The following PLBD2 variants were observed in gnomAD, a reference collection of about 807,000 sequenced individuals.
PLBD2 encodes the protein phospholipase B domain containing 2.
Under a neutral mutation model 68.3 loss-of-function variants are expected in PLBD2, and 51 were observed. That is an observed-to-expected ratio of 0.75 (90% CI 0.60 to 0.94). PLBD2 has a LOEUF of 0.94. Among genes scored for constraint, PLBD2 ranks in the 40% least tolerant of loss-of-function variants. The pLI is 0.00. For missense variants in PLBD2, 729 were observed against 792.2 expected (o/e 0.92, Z 0.96); for synonymous variants, 314 against 339.3 (o/e 0.93, Z 0.82).
chr12:113,374,641 G>T, intron 4 of PLBD2, 67 bp downstream of exon 4: 1 of 1,476,966 alleles, frequency 6.8e-7, no homozygotes, highest in East Asian at 2.4e-5. Context: ...GGACAGACCT[G>T]GGTTCCAGCA....
chr12:113,377,295 G>A (rs1178512849), intron 5 of PLBD2, among the ~76,000 whole-genome samples: 1 of 152,104 alleles, frequency 6.6e-6, no homozygotes, highest in African/African-American at 2.4e-5. Context: ...TTTCTTGCAC[G>A]TGGAACACAC....
intron 1 of PLBD2, among the ~76,000 whole-genome samples, 153 bp downstream of exon 1, chr12:113,359,043 G>C (rs976338465): frequency 4.6e-5 from 7 of 152,244 alleles, no homozygotes; most frequent in Non-Finnish European, 1.0e-4. Flanking sequence ...CCGCCCTGCG[G>C]GCCAAGTACC....
intron 1 of PLBD2, among the ~76,000 whole-genome samples, chr12:113,359,101 T>A (rs935693456): frequency 3.3e-5 from 5 of 152,222 alleles, no homozygotes; most frequent in Non-Finnish European, 7.3e-5. Context: ...ATGGGGCCAG[T>A]CCCTTGCCTT....
At chr12:113,380,200 G>A (rs1364365611) in intron 5 of PLBD2, among the ~76,000 whole-genome samples, 36 of 151,968 alleles carry the variant, frequency 2.4e-4, no homozygotes, top group Admixed American at 1.8e-3. Flanking sequence ...GCAGTGGCGC[G>A]ATCTCGGCTC....
chr12:113,388,750 G>A lies in PLBD2; in HGVS notation c.*124G>A, dbSNP rs1300974024. ...GGCTTCGTTCTCTGATCTGGGGTCT[G>A]AGTCATCTCCTCCTAGAGTGGGTCA... On this transcript the variant is annotated 3_prime_UTR_variant, in exon 12 of 12. Coordinates refer to ENST00000280800, the MANE Select transcript of PLBD2 (RefSeq NM_173542.4). 3.7e-6 allele frequency: 4 copies of A among 1,091,546 alleles called. No individual in the cohort carries two copies. The highest frequency in any genetic ancestry group is 1.3e-6 in the Non-Finnish European group (1 of 792,298). 67.6% of individuals were successfully genotyped at this position (1,091,546 alleles called of 1,614,324 possible).
Position 113,384,863 on chromosome 12 carries a change from G to A in PLBD2, c.1131G>A (p.Gln377=). The A allele has an allele frequency of 1.9e-6, 3 of 1,613,990 alleles. No homozygotes were observed. The highest frequency in any genetic ancestry group is 1.7e-6 in the Non-Finnish European group (2 of 1,179,972). Residue 377 remains glutamine, a synonymous_variant, in exon 8 of 12, where the codon CAG becomes CAA. Coordinates refer to ENST00000280800, the MANE Select transcript of PLBD2 (RefSeq NM_173542.4). The surrounding 1 kb of genome is among the most constrained non-coding windows in gnomAD (Gnocchi z 4.2). ...CCCTGCCCGGCAGGTATAACAACCA[G>A]TGGATGATCGTGGACTACAAGGCGT... ...KRFNSGTYNN[Q]WMIVDYKAFI...
intron 3 of PLBD2, among the ~76,000 whole-genome samples, chr12:113,373,657 C>T (rs1257193233): frequency 6.6e-6 from 1 of 151,642 alleles, no homozygotes; most frequent in Admixed American, 6.6e-5. Flanking sequence ...CTCACTCATC[C>T]ATCCGTTCAT....
chr12:113,385,119 C>G, intron 8 of PLBD2, 93 bp from the exon 9 acceptor site: 1 of 1,413,462 alleles, frequency 7.1e-7, no homozygotes, highest in African/African-American at 1.4e-5. Context: ...ATCCTCCAGG[C>G]AATGGGGAGC....
chr12:113,387,997 G>T, intron 11 of PLBD2, 91 bp downstream of exon 11: 1 of 1,473,568 alleles, frequency 6.8e-7, no homozygotes, highest in Non-Finnish European at 9.3e-7. Flanking sequence ...AAAGCTGATG[G>T]CGGGGCAGGA....
intron 1 of PLBD2, among the ~76,000 whole-genome samples, chr12:113,367,485 C>T (rs1409616740): frequency 2.0e-5 from 3 of 152,166 alleles, no homozygotes; most frequent in South Asian, 2.1e-4. Flanking sequence ...CATAGTGGCT[C>T]ATGCCTGTAA....
chr12:113,374,530 G>A lies in PLBD2; in HGVS notation c.600G>A (p.Val200=), dbSNP rs1289008351. 6.2e-7 allele frequency: 1 copy of A among 1,606,624 alleles called. No homozygotes were observed. Among genetic ancestry groups the A allele is most frequent in the Admixed American group, 1.7e-5 (1 of 59,018 alleles). The change falls in exon 4 of 12, where the codon GTG becomes GTA. Residue 200 remains valine (V), a synonymous_variant. Coordinates refer to ENST00000280800, the MANE Select transcript of PLBD2 (RefSeq NM_173542.4). ...TGGAGGACAGCTACGAAGGCCGTGT[G>A]AGCTTCCCAGCTGGGAAGTTCACCA... The part of the protein sequence containing the change: ...KGLEDSYEGR[V]SFPAGKFTIK...
At chr12:113,369,773 G>A (rs369369866) in intron 2 of PLBD2, among the ~76,000 whole-genome samples, 1 of 152,130 alleles carries the variant, frequency 6.6e-6, no homozygotes, top group African/African-American at 2.4e-5. Context: ...CAGGGACTTG[G>A]GGGGAGTGGG....
At chr12:113,377,822 G>C (rs1157761678) in intron 5 of PLBD2, among the ~76,000 whole-genome samples, 3 of 152,122 alleles carry the variant, frequency 2.0e-5, no homozygotes, top group African/African-American at 7.2e-5. Flanking sequence ...CATTCTCATT[G>C]CTATATATCC....
intron 1 of PLBD2, among the ~76,000 whole-genome samples, chr12:113,361,642 C>T (rs1238482072): frequency 2.0e-5 from 3 of 152,010 alleles, no homozygotes; most frequent in Non-Finnish European, 2.9e-5. Flanking sequence ...CCACTGTGCT[C>T]GGTACCTTCT....
At chr12:113,383,996 CAA>C (rs376758985) in intron 6 of PLBD2, 107 bp from the exon 7 acceptor site, 39,335 of 471,548 alleles carry the variant, frequency 0.083, no homozygotes, top group South Asian at 0.1. Flanking sequence ...GACTCTATCT[CAA>C]AAAAAAAAAA....
chr12:113,369,286 A>T lies in PLBD2; in HGVS notation c.384+77A>T, dbSNP rs569045704. 2.7e-3 allele frequency: 3,501 copies of T among 1,275,880 alleles called. 9 individuals carry two copies. The highest frequency in any genetic ancestry group is 3.3e-3 in the Non-Finnish European group (3,028 of 921,004). The allele number at this position is 1,275,880 out of a possible 1,614,324, so 79.0% of individuals were successfully genotyped here. A position where few individuals can be genotyped will look rare whatever the true frequency, so the allele number is the denominator to read the frequency against. ...GCATGTTCCCCAGTGTGCTTTTGAG[A>T]TGTGTGCAGAGTAGGCCCCCAACTC... is the stretch of plus-strand genomic sequence containing the variant. On this transcript the variant is annotated intron_variant, in intron 2 of 11. Coordinates refer to ENST00000280800, the MANE Select transcript of PLBD2 (RefSeq NM_173542.4).
chr12:113,383,974 G>A lies in PLBD2; in HGVS notation c.958-131G>A, dbSNP rs1278047938. On this transcript the variant is annotated intron_variant, in intron 6 of 11. Coordinates refer to ENST00000280800, the MANE Select transcript of PLBD2 (RefSeq NM_173542.4). ...AGGTTACACCACTGCACTCCAGCCTGGGCAAGAGTGAGACTCTATCTCAAA... is the reference window on the plus strand; with the variant it reads ...AGGTTACACCACTGCACTCCAGCCTAGGCAAGAGTGAGACTCTATCTCAAA... 2.4e-5 allele frequency: 19 copies of A among 785,330 alleles called. No homozygotes were observed. The South Asian group carries it at 6.2e-4, about 26-fold the overall frequency. 48.6% of individuals were successfully genotyped at this position (785,330 alleles called of 1,614,324 possible). A position where few individuals can be genotyped will look rare whatever the true frequency, so the allele number is the denominator to read the frequency against.
rs529313186 is a variant in PLBD2, at chr12:113,384,883, A to C, written c.1151A>C (p.Lys384Thr). ...AACCAGTGGATGATCGTGGACTACA[A>C]GGCGTTCATCCCGGGTGGGCCCAGC... ...YNNQWMIVDY[K>T]AFIPGGPSPG... The change falls in exon 8 of 12, where the codon AAG (lysine) becomes ACG (threonine). Residue 384 changes from lysine to threonine, a missense_variant. By Grantham distance (78) the Lys-to-Thr change is moderately conservative. Coordinates refer to ENST00000280800, the MANE Select transcript of PLBD2 (RefSeq NM_173542.4). The surrounding 1 kb of genome is among the most constrained non-coding windows in gnomAD (Gnocchi z 4.2). 1.3e-5 allele frequency: 21 copies of C among 1,597,540 alleles called. No homozygotes were observed. Among genetic ancestry groups the C allele is most frequent in the Non-Finnish European group, 1.8e-5 (21 of 1,169,770 alleles).
chr12:113,385,172 T>C (rs751951418), intron 8 of PLBD2, 40 bp from the exon 9 acceptor site: 6 of 1,606,526 alleles, frequency 3.7e-6, no homozygotes, highest in Non-Finnish European at 4.3e-6. Context: ...AGGAGCCCCT[T>C]TTCTGATCAC....
Sources: allele counts gnomAD v4.1 joint callset (sites outside exome capture counted in the v4.1 genomes callset), GRCh38; gene constraint gnomAD v4.1.1; non-coding constraint Gnocchi (gnomAD v3.1); transcripts MANE v1.5; gene names NCBI Gene and HGNC (gene_info 2026-07-23, HGNC 2026-07-21).